The following HEMK2 variants were observed in gnomAD, a reference collection of about 807,000 sequenced individuals.
HEMK2 encodes methyltransferase HEMK2.
chr21:28,806,945 T>G, the HEMK2 span, among the ~76,000 whole-genome samples: 1 of 152,188 alleles, frequency 6.6e-6, no homozygotes, highest in Non-Finnish European at 1.5e-5. Context: ...TTGTGGCACT[T>G]CTTTATGGCA....
chr21:28,801,577 T>C, the HEMK2 span, among the ~76,000 whole-genome samples: 1 of 152,122 alleles, frequency 6.6e-6, no homozygotes, highest in African/African-American at 2.4e-5. Context: ...TGAAAAAATA[T>C]ATTTGAAATT....
At chr21:28,885,069 G>C in the HEMK2 span, 2 of 1,231,972 alleles carry the variant, frequency 1.6e-6, no homozygotes, top group Non-Finnish European at 2.2e-6. Context: ...TCTCAATTAC[G>C]GCGTCCTGGC....
the HEMK2 span, among the ~76,000 whole-genome samples, chr21:28,730,812 TTC>T: frequency 6.6e-6 from 1 of 152,100 alleles, no homozygotes; most frequent in South Asian, 2.1e-4. Context: ...TTTTGCCACA[TTC>T]TGTTTGTTAG....
chr21:28,615,334 T>C, the HEMK2 span, among the ~76,000 whole-genome samples: 10 of 151,778 alleles, frequency 6.6e-5, no homozygotes, highest in African/African-American at 2.4e-4. Flanking sequence ...CTTCCCCTTT[T>C]CCCCCTCCTC....
chr21:28,736,407 T>C, the HEMK2 span, among the ~76,000 whole-genome samples: 3 of 152,246 alleles, frequency 2.0e-5, no homozygotes, highest in African/African-American at 4.8e-5. Flanking sequence ...TTCTCTTAAG[T>C]GAGCCTAGAA....
the HEMK2 span, among the ~76,000 whole-genome samples, chr21:28,588,669 A>G: frequency 2.0e-5 from 3 of 152,160 alleles, no homozygotes; most frequent in Non-Finnish European, 2.9e-5. Flanking sequence ...TGGGTGAGAC[A>G]GAAGAAAAGA....
At chr21:28,743,588 G>C in the HEMK2 span, among the ~76,000 whole-genome samples, 1 of 151,032 alleles carries the variant, frequency 6.6e-6, no homozygotes, top group South Asian at 2.1e-4. Context: ...AAGGTGAAGG[G>C]AGAATGGAAG....
chr21:28,714,821 C>G, the HEMK2 span, among the ~76,000 whole-genome samples: 1 of 152,174 alleles, frequency 6.6e-6, no homozygotes, highest in South Asian at 2.1e-4. Flanking sequence ...TCCCCAGTGT[C>G]AATTGTTCTC....
At chr21:28,749,551 C>G in the HEMK2 span, among the ~76,000 whole-genome samples, 5 of 107,736 alleles carry the variant, frequency 4.6e-5, no homozygotes, top group African/African-American at 1.2e-4. Context: ...TCCTAACAGC[C>G]CTGTCACTTT....
At chr21:28,666,810 C>CGTTAGTTCTCATCTG in the HEMK2 span, among the ~76,000 whole-genome samples, 1 of 152,086 alleles carries the variant, frequency 6.6e-6, no homozygotes, top group South Asian at 2.1e-4. Context: ...AAAATATAGT[C>CGTTAGTTCTCATCTG]GTTAGTTCTC....
chr21:28,808,648 G>T, the HEMK2 span, among the ~76,000 whole-genome samples: 2 of 151,794 alleles, frequency 1.3e-5, no homozygotes, highest in African/African-American at 2.4e-5. Context: ...AAATGCAGTT[G>T]TTTTTATTTC....
the HEMK2 span, among the ~76,000 whole-genome samples, chr21:28,592,181 T>G: frequency 6.6e-6 from 1 of 152,354 alleles, no homozygotes; most frequent in Non-Finnish European, 1.5e-5. Context: ...TGTATAAATG[T>G]TCCTTTTTCT....
At chr21:28,721,900 TCACACACACACACA>T in the HEMK2 span, among the ~76,000 whole-genome samples, 3 of 127,296 alleles carry the variant, frequency 2.4e-5, no homozygotes, top group Admixed American at 8.2e-5. Flanking sequence ...TTCTTAACCA[TCACACACACACACA>T]CACACACACA....
the HEMK2 span, among the ~76,000 whole-genome samples, chr21:28,648,275 A>T: frequency 6.6e-6 from 1 of 152,214 alleles, no homozygotes; most frequent in Non-Finnish European, 1.5e-5. Context: ...CCCACTTTCC[A>T]CTGGAAAAAT....
At chr21:28,846,257 T>C in the HEMK2 span, among the ~76,000 whole-genome samples, 1 of 152,204 alleles carries the variant, frequency 6.6e-6, no homozygotes, top group South Asian at 2.1e-4. Flanking sequence ...GCAATGAACA[T>C]ATGCATTCAT....
chr21:28,878,071 G>A, the HEMK2 span: 3 of 833,048 alleles, frequency 3.6e-6, no homozygotes, highest in Non-Finnish European at 5.3e-6. Context: ...TACTGTCAGT[G>A]ATTAACTGTT....
At chr21:28,780,377 CCG>C in the HEMK2 span, among the ~76,000 whole-genome samples, 1 of 142,556 alleles carries the variant, frequency 7.0e-6, no homozygotes, top group African/African-American at 2.8e-5. Context: ...CGGGGTTTCA[CCG>C]TGTTAGCCAG....
the HEMK2 span, among the ~76,000 whole-genome samples, chr21:28,620,857 A>G: frequency 2.0e-5 from 3 of 151,044 alleles, no homozygotes; most frequent in Non-Finnish European, 4.4e-5. Flanking sequence ...TATTTTTAGT[A>G]GAGACAGGGT....
chr21:28,808,958 C>T, the HEMK2 span, among the ~76,000 whole-genome samples: 4 of 152,090 alleles, frequency 2.6e-5, no homozygotes, highest in Non-Finnish European at 4.4e-5. Context: ...TCAAGAACAA[C>T]AGATTAAAAC....
Sources: allele counts gnomAD v4.1 joint callset (sites outside exome capture counted in the v4.1 genomes callset), GRCh38; gene constraint gnomAD v4.1.1; transcripts MANE v1.5; gene names NCBI Gene and HGNC (gene_info 2026-07-23, HGNC 2026-07-21).